The following PGK1 variants were observed in gnomAD, a reference collection of about 807,000 sequenced individuals.
The protein encoded by PGK1 is PRP 2.
In PGK1, 3 loss-of-function variants were observed where a neutral mutation model predicts 26.9. The observed-to-expected ratio is 0.11, with a 90% CI of 0.05 to 0.29. The LOEUF (loss-of-function observed/expected upper bound fraction) is 0.29, where lower values mean the gene tolerates loss of function less well. PGK1 is among the 10% of genes least tolerant of loss of function. The pLI, the probability that PGK1 is intolerant of heterozygous loss-of-function variation, is 1.00. For missense variants in PGK1, 270 were observed against 314.7 expected (o/e 0.86, Z 1.07); for synonymous variants, 125 against 115.3 (o/e 1.08, Z -0.54).
At chrX:78,121,463 A>G (rs935895098) in intron 6 of PGK1, among the ~76,000 whole-genome samples, 3 of 111,724 alleles carry the variant, frequency 2.7e-5, no homozygotes, top group African/African-American at 3.3e-5. Context: ...GTGGTAACCA[A>G]TCTTTACAAC....
In PGK1 at chrX:78,129,222, T is replaced by TATCTATCTATCTA. The variant is rs1216519541; in HGVS notation, c.*3393_*3405dup. The TATCTATCTATCTA allele has an allele frequency of 8.1e-5, 8 of 99,363 alleles. No homozygotes were observed. The highest frequency in any genetic ancestry group is 1.7e-4 in the Non-Finnish European group (8 of 47,677). The allele number at this position is 99,363 out of a possible 1,213,427, so 8.2% of individuals were successfully genotyped here. A position where few individuals can be genotyped will look rare whatever the true frequency, so the allele number is the denominator to read the frequency against. On this transcript the variant is annotated 3_prime_UTR_variant, in exon 11 of 11. Coordinates refer to ENST00000373316, the MANE Select transcript of PGK1 (RefSeq NM_000291.4). ...TAAAGAGCATACCCATGTGTGTACC[T>TATCTATCTATCTA]ATCTATCTATCTATCTATCTATCTA... is the stretch of plus-strand genomic sequence containing the variant.
rs1476052413 is a variant in PGK1, at chrX:78,117,423, G to A, written c.521+8G>A. On this transcript the variant is annotated splice_region_variant and intron_variant, in intron 5 of 10. Transcript: ENST00000373316. ...TGCTCACAGAGCCCACAGGTACCAA[G>A]AACCTTGTAGACTACCACACTGAGA... 2 of 1,030,983 alleles carry A rather than the reference G, an allele frequency of 1.9e-6. No homozygotes were observed. Among genetic ancestry groups the A allele is most frequent in the African/African-American group, 3.7e-5 (2 of 53,883 alleles). The allele number at this position is 1,030,983 out of a possible 1,213,427, so 85.0% of individuals were successfully genotyped here.
intron 6 of PGK1, among the ~76,000 whole-genome samples, chrX:78,121,402 ATGTGTGTGTG>A (rs782769996): frequency 9.3e-6 from 1 of 107,885 alleles, no homozygotes. Flanking sequence ...TTGTGTGTGT[ATGTGTGTGTG>A]TGTGTGTGTG....
At chrX:78,105,604 T>C (rs1161433646) in intron 1 of PGK1, among the ~76,000 whole-genome samples, 1 of 111,616 alleles carries the variant, frequency 9.0e-6, no homozygotes, top group Admixed American at 9.5e-5. Flanking sequence ...TTTAAACATA[T>C]GAGGACACGT....
intron 7 of PGK1, 53 bp downstream of exon 7, chrX:78,123,002 G>T: frequency 1.3e-6 from 1 of 789,538 alleles, no homozygotes; most frequent in Admixed American, 2.2e-5. Context: ...ATAATAGCAG[G>T]TTGTATAAAT....
chrX:78,105,840 G>C (rs2078269997), intron 1 of PGK1, among the ~76,000 whole-genome samples: 1 of 111,682 alleles, frequency 9.0e-6, no homozygotes. Context: ...TAGTACTAGA[G>C]GAGTGCCCTT....
rs1450350017 is a variant in PGK1 at position 78,106,882 on chromosome X, C to T, written c.65+2477C>T. Among the ~76,000 whole-genome samples, 4 of 110,081 alleles carry T rather than the reference C, an allele frequency of 3.6e-5. 1 individual carries two copies. In the Admixed American group the frequency reaches 3.9e-4, roughly 11 times the overall value. ...GCTTGCTCCTGCCTTTTTTTTTAAA[C>T]CTTACTGGTTTTCTCCAACTTGTAA... is the stretch of plus-strand genomic sequence containing the variant. On this transcript the variant is annotated intron_variant, in intron 1 of 10. Transcript: ENST00000373316.
intron 4 of PGK1, among the ~76,000 whole-genome samples, chrX:78,115,188 T>A (rs1267143346): frequency 8.9e-6 from 1 of 111,908 alleles, no homozygotes; most frequent in African/African-American, 3.3e-5. Context: ...GCATGAACTC[T>A]AGGGCTTAGA....
intron 6 of PGK1, among the ~76,000 whole-genome samples, chrX:78,120,670 T>C (rs2149135216): frequency 9.1e-6 from 1 of 110,135 alleles, no homozygotes; most frequent in South Asian, 3.9e-4. Context: ...AATTTTTGAA[T>C]CTTTTTGTAG....
At chrX:78,109,767 A>G in intron 1 of PGK1, 100 bp from the exon 2 acceptor site, 1 of 618,002 alleles carries the variant, frequency 1.6e-6, no homozygotes, top group Non-Finnish European at 2.8e-6. Flanking sequence ...TTAAGATGAG[A>G]TTTGAATTTC....
intron 6 of PGK1, among the ~76,000 whole-genome samples, chrX:78,121,826 A>T (rs2078356763): frequency 8.9e-6 from 1 of 112,108 alleles, no homozygotes. Flanking sequence ...TTTCTCAAAG[A>T]CCTAGAATAG....
intron 4 of PGK1, among the ~76,000 whole-genome samples, chrX:78,116,587 C>T (rs2078327681): frequency 8.9e-6 from 1 of 112,293 alleles, no homozygotes; most frequent in Non-Finnish European, 1.9e-5. Flanking sequence ...TTTGCTTAAT[C>T]TCCTGCCAGA....
At chrX:78,105,375 T>TGAGGTGTATACCAGGCA (rs1404449902) in intron 1 of PGK1, among the ~76,000 whole-genome samples, 4 of 112,123 alleles carry the variant, frequency 3.6e-5, no homozygotes, top group Non-Finnish European at 7.5e-5. Flanking sequence ...TTCATATACC[T>TGAGGTGTATACCAGGCA]TAACAGGATC....
chrX:78,106,067 C>G (rs981632343), intron 1 of PGK1, among the ~76,000 whole-genome samples: 1 of 111,905 alleles, frequency 8.9e-6, no homozygotes, highest in Non-Finnish European at 1.9e-5. Context: ...GCTTTATTTC[C>G]TCTCTCTCTA....
At chrX:78,113,714 A>G in intron 2 of PGK1, 30 bp from the exon 3 acceptor site, 1 of 1,196,323 alleles carries the variant, frequency 8.4e-7, no homozygotes, top group Middle Eastern at 2.8e-4. Flanking sequence ...GAGTAACTTC[A>G]TTCTGTTTGT....
chrX:78,113,907 C>A lies in PGK1; in HGVS notation c.272+8C>A, dbSNP rs1364403263. 1 of 1,210,775 alleles carries A rather than the reference C, an allele frequency of 8.3e-7. No individual in the cohort carries two copies. The highest frequency in any genetic ancestry group is 1.1e-6 in the Non-Finnish European group (1 of 894,470). ...CAAATCTCTGCTGGGCAAGTAAGTGCCAGGCTCTGGTGCTGGTAGACTTTG... is the reference window on the plus strand; with the variant it reads ...CAAATCTCTGCTGGGCAAGTAAGTGACAGGCTCTGGTGCTGGTAGACTTTG... On this transcript the variant is annotated splice_region_variant and intron_variant, in intron 3 of 10. Transcript: ENST00000373316.
chrX:78,104,479 C>T, intron 1 of PGK1, 74 bp downstream of exon 1: 1 of 795,736 alleles, frequency 1.3e-6, no homozygotes, highest in Non-Finnish European at 1.9e-6. Context: ...GACTTGTTCT[C>T]TCGTCTGCTC....
At chrX:78,113,946 T>A in intron 3 of PGK1, 47 bp downstream of exon 3, 1 of 1,205,802 alleles carries the variant, frequency 8.3e-7, no homozygotes, top group Non-Finnish European at 1.1e-6. Context: ...CGGGGGAAGT[T>A]GTCAAGCACG....
chrX:78,107,404 C>A (rs1391132092), intron 1 of PGK1, among the ~76,000 whole-genome samples: 1 of 111,438 alleles, frequency 9.0e-6, no homozygotes, highest in East Asian at 2.8e-4. Flanking sequence ...AACCACCCCC[C>A]TTCCTGACTC....
Sources: gnomAD v4.1 joint callset for allele counts (sites outside exome capture counted in the v4.1 genomes callset) on GRCh38, gnomAD v4.1.1 for gene constraint, MANE v1.5 for transcripts, NCBI Gene and HGNC (gene_info 2026-07-23, HGNC 2026-07-21) for gene names.